The following PLEKHA3 variants were observed in gnomAD, a reference collection of about 807,000 sequenced individuals.
The protein encoded by PLEKHA3 is pleckstrin homology domain containing A3, also known as pleckstrin homology domain-containing family A member 3.
A neutral mutation model predicts 39.2 loss-of-function variants in PLEKHA3; 19 were observed. The observed-to-expected ratio is 0.48, with a 90% confidence interval of 0.34 to 0.71. PLEKHA3 has a LOEUF of 0.71. PLEKHA3 is among the 30% of genes least tolerant of loss of function. The pLI is 0.01. For synonymous variants in PLEKHA3, 97 were observed against 118.6 expected, an observed-to-expected ratio of 0.82 and a Z score of 1.18; for missense variants, 253 against 359.5, an observed-to-expected ratio of 0.70 and a Z score of 2.40.
intron 2 of PLEKHA3, among the ~76,000 whole-genome samples, chr2:178,489,282 A>G (rs1373923791): frequency 1.3e-5 from 2 of 152,180 alleles, no homozygotes; most frequent in Admixed American, 6.5e-5. Context: ...TAAGATAGCA[A>G]CATTTCTGTG....
Position 178,511,760 on chromosome 2 carries a change from C to T in PLEKHA3, c.*7873C>T, listed in dbSNP as rs1006370204. The T allele has an allele frequency of 5.3e-5, 8 of 150,586 alleles. No homozygotes were observed. Among genetic ancestry groups the T allele is most frequent in the Admixed American group, 1.3e-4 (2 of 15,022 alleles). 9.3% of individuals were successfully genotyped at this position (150,586 alleles called of 1,614,324 possible). On this transcript the variant is annotated 3_prime_UTR_variant, in exon 8 of 8. Transcript: ENST00000234453. ...CTCAAACTCCTAAGCTCAGGAGATCCGCCTGCCTCAGCCTCTGAAAGTGCT... is the reference window on the plus strand; with the variant it reads ...CTCAAACTCCTAAGCTCAGGAGATCTGCCTGCCTCAGCCTCTGAAAGTGCT...
intron 1 of PLEKHA3, 139 bp downstream of exon 1, chr2:178,481,048 G>GGCCAGAAGGAC: frequency 1.3e-6 from 1 of 764,256 alleles, no homozygotes; most frequent in Non-Finnish European, 1.8e-6. Flanking sequence ...GGCTTGTTGA[G>GGCCAGAAGGAC]TCCTTCTGGC....
chr2:178,515,425 T>C lies in PLEKHA3; in HGVS notation c.*11538T>C, dbSNP rs1456310634. Reference sequence around the variant, plus strand: ...ATGAACTTTTCTCATTCTGTCTACCTTTTTAAAATTTTATTCACTTTATCT... The same window carrying C: ...ATGAACTTTTCTCATTCTGTCTACCCTTTTAAAATTTTATTCACTTTATCT... On this transcript the variant is annotated 3_prime_UTR_variant, in exon 8 of 8. Transcript: ENST00000234453. The C allele has an allele frequency of 6.6e-6, 1 of 152,294 alleles. No homozygotes were observed. Among genetic ancestry groups the C allele is most frequent in the Admixed American group, 6.5e-5 (1 of 15,306 alleles). 9.4% of individuals were successfully genotyped at this position (152,294 alleles called of 1,614,324 possible).
intron 3 of PLEKHA3, 41 bp downstream of exon 3, chr2:178,490,855 A>C: frequency 6.9e-7 from 1 of 1,457,394 alleles, no homozygotes; most frequent in African/African-American, 1.4e-5. Flanking sequence ...GTACTTTCTT[A>C]AATATAAATA....
intron 1 of PLEKHA3, among the ~76,000 whole-genome samples, chr2:178,484,938 A>G (rs764511518): frequency 6.6e-6 from 1 of 152,316 alleles, no homozygotes; most frequent in Non-Finnish European, 1.5e-5. Flanking sequence ...TAGGATTTCA[A>G]CCCTAGCTGT....
At chr2:178,485,461 A>G (rs767560191) in intron 1 of PLEKHA3, among the ~76,000 whole-genome samples, 180 bp from the exon 2 acceptor site, 7 of 152,214 alleles carry the variant, frequency 4.6e-5, no homozygotes, top group African/African-American at 1.7e-4. Context: ...ACCTCTCCCA[A>G]TAAAGTGGAG....
chr2:178,492,701 G>A (rs563704262), intron 3 of PLEKHA3, among the ~76,000 whole-genome samples: 28 of 152,006 alleles, frequency 1.8e-4, no homozygotes, highest in Admixed American at 1.2e-3. Flanking sequence ...ACCCAGGGCA[G>A]TCATACTTAT....
At chr2:178,482,102 T>G (rs1223805389) in intron 1 of PLEKHA3, 2 of 153,786 alleles carry the variant, frequency 1.3e-5, no homozygotes, top group Non-Finnish European at 2.9e-5. Context: ...ATGTTTTATT[T>G]TGTTCAAACT....
intron 5 of PLEKHA3, among the ~76,000 whole-genome samples, chr2:178,498,472 A>G (rs1659541202): frequency 6.6e-6 from 1 of 152,186 alleles, no homozygotes; most frequent in African/African-American, 2.4e-5. Flanking sequence ...CTAAACCTTT[A>G]GTATAATCTT....
rs1685646550 is a variant in PLEKHA3 at position 178,509,220 on chromosome 2, G to A, written c.*5333G>A. 6.6e-6 allele frequency: 1 copy of A among 151,926 alleles called. No homozygotes were observed. The highest frequency in any genetic ancestry group is 2.4e-5 in the African/African-American group (1 of 41,354). The allele number at this position is 151,926 out of a possible 1,614,324, so 9.4% of individuals were successfully genotyped here. On this transcript the variant is annotated 3_prime_UTR_variant, in exon 8 of 8. Coordinates refer to ENST00000234453, the MANE Select transcript of PLEKHA3 (RefSeq NM_019091.4). ...GTAGAGGAAATAAATTCATGTGGTTGGTTTGTATGTTTCACTGAAAGTCTA... is the reference window on the plus strand; with the variant it reads ...GTAGAGGAAATAAATTCATGTGGTTAGTTTGTATGTTTCACTGAAAGTCTA...
Position 178,503,827 on chromosome 2 carries a change from C to T in PLEKHA3, c.843C>T (p.Ser281=), listed in dbSNP as rs763970445. The T allele has an allele frequency of 1.2e-6, 2 of 1,611,802 alleles. No individual in the cohort carries two copies. The highest frequency in any genetic ancestry group is 1.7e-6 in the Non-Finnish European group (2 of 1,178,348). Residue 281 remains serine (S), a synonymous_variant, in exon 8 of 8, where the codon AGC becomes AGT. Coordinates refer to ENST00000234453, the MANE Select transcript of PLEKHA3 (RefSeq NM_019091.4). ...CATCAGCAACCATTCCTGAAGAAAG[C>T]AGACTTATGGCCAAAAAACAATCTG... The part of the protein sequence containing the change: ...DLASATIPEE[S]RLMAKKQSES...
At position 178,508,578 on chromosome 2, in the gene PLEKHA3, T is replaced by C. The variant is rs917111327; in HGVS notation, c.*4691T>C. 6.5e-6 allele frequency: 1 copy of C among 153,666 alleles called. No homozygotes were observed. The highest frequency in any genetic ancestry group is 2.4e-5 in the African/African-American group (1 of 41,400). The allele number at this position is 153,666 out of a possible 1,614,324, so 9.5% of individuals were successfully genotyped here. A position where few individuals can be genotyped will look rare whatever the true frequency, so the allele number is the denominator to read the frequency against. ...TTTATATGTGGGCAGGGTTTATAAG[T>C]TGTCTAAAGGGCCATCAGGTAGAGT... On this transcript the variant is annotated 3_prime_UTR_variant, in exon 8 of 8. Coordinates refer to ENST00000234453, the MANE Select transcript of PLEKHA3 (RefSeq NM_019091.4).
rs1685589315 is a variant in PLEKHA3 at position 178,505,522 on chromosome 2, G to C, written c.*1635G>C. 6.7e-6 allele frequency: 1 copy of C among 149,880 alleles called. No individual in the cohort carries two copies. The highest frequency in any genetic ancestry group is 1.5e-5 in the Non-Finnish European group (1 of 67,496). The allele number at this position is 149,880 out of a possible 1,614,324, so 9.3% of individuals were successfully genotyped here. On this transcript the variant is annotated 3_prime_UTR_variant, in exon 8 of 8. Transcript: ENST00000234453. Reference sequence around the variant, plus strand: ...AAAAAAAAGTTTGATAATGTAGTAAGTTATGACGTTGAGCAGGTAATCAGG... The same window carrying C: ...AAAAAAAAGTTTGATAATGTAGTAACTTATGACGTTGAGCAGGTAATCAGG...
intron 1 of PLEKHA3, among the ~76,000 whole-genome samples, chr2:178,482,552 CAAAAA>C (rs557529546): frequency 2.2e-5 from 2 of 89,424 alleles, no homozygotes. Context: ...GATCCTGTCT[CAAAAA>C]AAAAAAAAAA....
At position 178,516,165 on chromosome 2, in the gene PLEKHA3, T is replaced by G. The variant is rs1478297206; in HGVS notation, c.*12278T>G. ...TTTGTAAGTTTAGAAGTTAAGAAAT[T>G]GGAAATAATGGAATTGGTTTAAAAA... is the stretch of plus-strand genomic sequence containing the variant. On this transcript the variant is annotated 3_prime_UTR_variant, in exon 8 of 8. Transcript: ENST00000234453. 2 of 151,788 alleles carry G rather than the reference T, an allele frequency of 1.3e-5. No individual in the cohort carries two copies. Among genetic ancestry groups the G allele is most frequent in the Non-Finnish European group, 2.9e-5 (2 of 67,892 alleles). 9.4% of individuals were successfully genotyped at this position (151,788 alleles called of 1,614,324 possible). A position where few individuals can be genotyped will look rare whatever the true frequency, so the allele number is the denominator to read the frequency against.
In PLEKHA3 at chr2:178,512,562, T is replaced by A. The variant is rs1685705386; in HGVS notation, c.*8675T>A. On this transcript the variant is annotated 3_prime_UTR_variant, in exon 8 of 8. Coordinates refer to ENST00000234453, the MANE Select transcript of PLEKHA3 (RefSeq NM_019091.4). ...CCAGATCTGGCAGCATGGGGACAAT[T>A]AGGAACAAAGGAGAGAGAATAGAAT... 1 of 152,772 alleles carries A rather than the reference T, an allele frequency of 6.5e-6. No individual in the cohort carries two copies. The highest frequency in any genetic ancestry group is 6.5e-5 in the Admixed American group (1 of 15,280). 9.5% of individuals were successfully genotyped at this position (152,772 alleles called of 1,614,324 possible). A position where few individuals can be genotyped will look rare whatever the true frequency, so the allele number is the denominator to read the frequency against.
intron 6 of PLEKHA3, among the ~76,000 whole-genome samples, chr2:178,500,256 A>G (rs1469921181): frequency 1.3e-5 from 2 of 152,066 alleles, no homozygotes; most frequent in Non-Finnish European, 2.9e-5. Context: ...TTTTCCCCTG[A>G]TGATTGTATA....
At chr2:178,500,227 G>A (rs899022328) in intron 6 of PLEKHA3, among the ~76,000 whole-genome samples, 8 of 151,922 alleles carry the variant, frequency 5.3e-5, no homozygotes, top group African/African-American at 1.9e-4. Context: ...GTTAAATGCT[G>A]TTTTGTCATG....
rs1685738669 is a variant in PLEKHA3, at chr2:178,514,934, C to T, written c.*11047C>T. 6.6e-6 allele frequency: 1 copy of T among 152,018 alleles called. No individual in the cohort carries two copies. Among genetic ancestry groups the T allele is most frequent in the Non-Finnish European group, 1.5e-5 (1 of 68,012 alleles). 9.4% of individuals were successfully genotyped at this position (152,018 alleles called of 1,614,324 possible). A position where few individuals can be genotyped will look rare whatever the true frequency, so the allele number is the denominator to read the frequency against. ...AGGCACAGATTGCAACTTTTCTTTC[C>T]TGCTTTTGTGAATCAGGCCATGTTC... On this transcript the variant is annotated 3_prime_UTR_variant, in exon 8 of 8. Transcript: ENST00000234453.
Sources: gnomAD v4.1 joint callset for allele counts (sites outside exome capture counted in the v4.1 genomes callset) on GRCh38, gnomAD v4.1.1 for gene constraint, MANE v1.5 for transcripts, NCBI Gene and HGNC (gene_info 2026-07-23, HGNC 2026-07-21) for gene names.